The following SPRR4 variants were observed in gnomAD, a reference collection of about 807,000 sequenced individuals.
SPRR4 encodes the protein small proline-rich protein 4.
For missense variants in SPRR4, 106 were observed against 91.6 expected, an observed-to-expected ratio of 1.16 and a Z score of -0.64; for synonymous variants, 30 against 34.3, an observed-to-expected ratio of 0.87 and a Z score of 0.44.
rs1426028431 is a variant in SPRR4, at chr1:152,972,288, T to G, written c.*158T>G. The G allele has an allele frequency of 8.0e-7, 1 of 1,250,754 alleles. No individual in the cohort carries two copies. 77.5% of individuals were successfully genotyped at this position (1,250,754 alleles called of 1,614,324 possible). ...GCATTGTAAGGATTTCTTCCCATCG[T>G]ACCCTTCCCCACACATACCACCTTG... On this transcript the variant is annotated 3_prime_UTR_variant, in exon 2 of 2. Transcript: ENST00000328051.
chr1:152,972,180 C>T lies in SPRR4; in HGVS notation c.*50C>T. ...CCACCATCCTGGCTACCAGATGGAA[C>T]CTTCTCTTCTTCCTTCTCCTCTTCC... is the stretch of plus-strand genomic sequence containing the variant. On this transcript the variant is annotated 3_prime_UTR_variant, in exon 2 of 2. Transcript: ENST00000328051. 1 of 1,609,450 alleles carries T rather than the reference C, an allele frequency of 6.2e-7. No individual in the cohort carries two copies. Among genetic ancestry groups the T allele is most frequent in the Non-Finnish European group, 8.5e-7 (1 of 1,177,106 alleles).
chr1:152,972,095 T>G lies in SPRR4; in HGVS notation c.205T>G (p.Ser69Ala), dbSNP rs1433204999. Reference sequence around the variant, plus strand: ...CATTCCAGCCCAGCAGAAGTGTCCCTCAGCCCAGCAAGCCTCCAAGAGCAA... The same window carrying G: ...CATTCCAGCCCAGCAGAAGTGTCCCGCAGCCCAGCAAGCCTCCAAGAGCAA... The part of the protein sequence containing the change: ...TIIPAQQKCP[S>A]AQQASKSKQK The change falls in exon 2 of 2, where the codon TCA (serine) becomes GCA (alanine). Residue 69 changes from serine (S) to alanine (A), a missense_variant. Ser to Ala is a moderately conservative substitution (Grantham distance 99, BLOSUM62 1). Transcript: ENST00000328051. The G allele has an allele frequency of 1.2e-6, 2 of 1,613,806 alleles. No homozygotes were observed. Among genetic ancestry groups the G allele is most frequent in the East Asian group, 2.2e-5 (1 of 44,858 alleles).
At chr1:152,971,756 C>T in intron 1 of SPRR4, 115 bp from the exon 2 acceptor site, 2 of 1,351,510 alleles carry the variant, frequency 1.5e-6, no homozygotes, top group Non-Finnish European at 2.0e-6. Flanking sequence ...GCTAAGATGG[C>T]ATGCTTTGAC....
upstream of SPRR4, among the ~76,000 whole-genome samples, chr1:152,969,329 T>C (rs1274008598): frequency 5.9e-5 from 9 of 152,318 alleles, no homozygotes; most frequent in East Asian, 1.2e-3. Flanking sequence ...GTTGAGCAGG[T>C]CCTTTAACTT....
rs1049628669 is a variant in SPRR4 at position 152,972,480 on chromosome 1, T to A, written c.*350T>A. The A allele has an allele frequency of 3.2e-6, 1 of 310,996 alleles. No homozygotes were observed. The highest frequency in any genetic ancestry group is 2.2e-5 in the African/African-American group (1 of 46,352). The allele number at this position is 310,996 out of a possible 1,614,324, so 19.3% of individuals were successfully genotyped here. On this transcript the variant is annotated 3_prime_UTR_variant, in exon 2 of 2. Coordinates refer to ENST00000328051, the MANE Select transcript of SPRR4 (RefSeq NM_173080.3). ...CCCTGACAAGTAGGGTCACAGAGGC[T>A]GGTGCACAGTTTCTGCCTCATTCCT...
chr1:152,970,368 A>C (rs1033731193), upstream of SPRR4, among the ~76,000 whole-genome samples: 1 of 152,240 alleles, frequency 6.6e-6, no homozygotes, highest in Non-Finnish European at 1.5e-5. Context: ...TCTGTCTGCA[A>C]ACAGCTCCTT....
upstream of SPRR4, among the ~76,000 whole-genome samples, chr1:152,970,213 G>A (rs60658884): frequency 0.041 from 6,243 of 152,226 alleles, 379 homozygotes; most frequent in African/African-American, 0.14. Flanking sequence ...TAAGCATGAC[G>A]GATGGTCCTG....
intron 1 of SPRR4, among the ~76,000 whole-genome samples, chr1:152,971,529 A>G (rs1190741471): frequency 6.6e-6 from 1 of 151,854 alleles, no homozygotes; most frequent in East Asian, 1.9e-4. Flanking sequence ...AGCAGGGATT[A>G]GAGATCAGGC....
rs375861748 is a variant in SPRR4, at chr1:152,971,967, C to T, written c.77C>T (p.Pro26Leu). ...QRAQQQQVKQ[P>L]CQPPPVKCQE... is the part of the protein sequence containing the mutation. The stretch of plus-strand genomic sequence containing the variant: ...GCCCAGCAGCAGCAAGTGAAGCAGC[C>T]TTGTCAGCCACCCCCTGTTAAATGT... The change falls in exon 2 of 2, where the codon CCT becomes CTT. Residue 26 changes from proline to leucine, a missense_variant. Physicochemically the swap from Pro to Leu is moderately conservative, Grantham distance 98. Transcript: ENST00000328051. 5.0e-6 allele frequency: 8 copies of T among 1,613,974 alleles called. No individual in the cohort carries two copies. The highest frequency in any genetic ancestry group is 1.6e-4 in the Middle Eastern group (1 of 6,084).
At chr1:152,969,441 T>A (rs530126151), upstream of SPRR4, among the ~76,000 whole-genome samples, 6 of 152,332 alleles carry the variant, frequency 3.9e-5, no homozygotes, top group Non-Finnish European at 2.9e-5. Context: ...GGTATTCCTA[T>A]CATTTCTCAG....
intron 1 of SPRR4, among the ~76,000 whole-genome samples, chr1:152,971,552 A>G (rs1651843417): frequency 6.7e-6 from 1 of 149,612 alleles, no homozygotes; most frequent in South Asian, 2.1e-4. Flanking sequence ...CTGCATTCTT[A>G]TACACCCCTT....
At position 152,970,697 on chromosome 1, in the gene SPRR4, A is replaced by T. The variant is rs764597842; in HGVS notation, c.-21+3A>T. 13 of 152,290 alleles carry T rather than the reference A, an allele frequency of 8.5e-5. No individual in the cohort carries two copies. The highest frequency in any genetic ancestry group is 1.8e-4 in the Non-Finnish European group (12 of 68,154). The allele number at this position is 152,290 out of a possible 1,614,324, so 9.4% of individuals were successfully genotyped here. A position where few individuals can be genotyped will look rare whatever the true frequency, so the allele number is the denominator to read the frequency against. On this transcript the variant is annotated splice_donor_region_variant and intron_variant, in intron 1 of 1. Transcript: ENST00000328051. ...TGGGGTCCAGCTTGTCGCCTCTGGT[A>T]AGTGAGAACTCATCTGTTCTCCTGG...
At position 152,972,305 on chromosome 1, in the gene SPRR4, A is replaced by G. The variant is rs184399540; in HGVS notation, c.*175A>G. On this transcript the variant is annotated 3_prime_UTR_variant, in exon 2 of 2. Transcript: ENST00000328051. The stretch of plus-strand genomic sequence containing the variant: ...TCCCATCGTACCCTTCCCCACACAT[A>G]CCACCTTGGCTTCTTCTATATCCCA... 7.4e-6 allele frequency: 8 copies of G among 1,079,212 alleles called. No individual in the cohort carries two copies. In the Admixed American group the frequency reaches 1.9e-4, roughly 25 times the overall value. 66.9% of individuals were successfully genotyped at this position (1,079,212 alleles called of 1,614,324 possible).
chr1:152,970,483 T>A (rs765606942), upstream of SPRR4, among the ~76,000 whole-genome samples: 1 of 152,168 alleles, frequency 6.6e-6, no homozygotes, highest in Non-Finnish European at 1.5e-5. Context: ...TGAAAATATA[T>A]GGTGGGTGGC....
chr1:152,968,927 T>A (rs1351056406), upstream of SPRR4, among the ~76,000 whole-genome samples: 1 of 152,176 alleles, frequency 6.6e-6, no homozygotes, highest in African/African-American at 2.4e-5. Flanking sequence ...AGTTTCCTTG[T>A]GGAGAGTTCA....
Position 152,972,063 on chromosome 1 carries a change from G to T in SPRR4, c.173G>T (p.Gly58Val). The T allele has an allele frequency of 1.2e-6, 2 of 1,614,010 alleles. No homozygotes were observed. Among genetic ancestry groups the T allele is most frequent in the Non-Finnish European group, 1.7e-6 (2 of 1,179,996 alleles). ...PQVKKQCPPK[G>V]TIIPAQQKCP... ...GTCAAGAAGCAATGCCCACCGAAAG[G>T]CACCATCATTCCAGCCCAGCAGAAG... is the stretch of plus-strand genomic sequence containing the variant. Residue 58 changes from glycine (G) to valine (V), a missense_variant, in exon 2 of 2, where the codon GGC becomes GTC. Coordinates refer to ENST00000328051, the MANE Select transcript of SPRR4 (RefSeq NM_173080.3).
chr1:152,972,253 A>G lies in SPRR4; in HGVS notation c.*123A>G. 7.0e-7 allele frequency: 1 copy of G among 1,436,426 alleles called. No homozygotes were observed. The highest frequency in any genetic ancestry group is 1.4e-5 in the African/African-American group (1 of 69,870). The allele number at this position is 1,436,426 out of a possible 1,614,324, so 89.0% of individuals were successfully genotyped here. On this transcript the variant is annotated 3_prime_UTR_variant, in exon 2 of 2. Transcript: ENST00000328051. Reference sequence around the variant, plus strand: ...CCTCTCACATCTCCTCCTGCCCAAGATGTAAGGAAGCATTGTAAGGATTTC... The same window carrying G: ...CCTCTCACATCTCCTCCTGCCCAAGGTGTAAGGAAGCATTGTAAGGATTTC...
At chr1:152,969,823 A>G (rs1054295068), upstream of SPRR4, among the ~76,000 whole-genome samples, 1 of 152,224 alleles carries the variant, frequency 6.6e-6, no homozygotes, top group Non-Finnish European at 1.5e-5. Flanking sequence ...CCTGTATTTT[A>G]TGTGGCAAGT....
Position 152,971,985 on chromosome 1 carries a change from T to A in SPRR4, c.95T>A (p.Val32Asp), listed in dbSNP as rs764516284. 1.1e-5 allele frequency: 18 copies of A among 1,614,004 alleles called. No individual in the cohort carries two copies. The highest frequency in any genetic ancestry group is 1.4e-5 in the Non-Finnish European group (17 of 1,179,986). Residue 32 changes from valine (V) to aspartate (D), a missense_variant, in exon 2 of 2, where the codon GTT (valine) becomes GAT (aspartate). Transcript: ENST00000328051. The stretch of plus-strand genomic sequence containing the variant: ...AAGCAGCCTTGTCAGCCACCCCCTG[T>A]TAAATGTCAAGAGACATGTGCACCC... ...QVKQPCQPPP[V>D]KCQETCAPKT...
Sources: gnomAD v4.1 joint callset for allele counts (sites outside exome capture counted in the v4.1 genomes callset) on GRCh38, gnomAD v4.1.1 for gene constraint, MANE v1.5 for transcripts, NCBI Gene and HGNC (gene_info 2026-07-23, HGNC 2026-07-21) for gene names.